The following BMPR1A variants were observed in gnomAD, a reference collection of about 807,000 sequenced individuals.
The protein encoded by BMPR1A is bone morphogenetic protein receptor type-1A.
A neutral mutation model predicts 66.0 loss-of-function variants in BMPR1A; 7 were observed. That is an observed-to-expected ratio of 0.11 (90% CI 0.06 to 0.20). The LOEUF is 0.20. BMPR1A is among the 10% of genes least tolerant of loss of function. The pLI is 1.00. For missense variants in BMPR1A, 408 were observed against 669.1 expected, an observed-to-expected ratio of 0.61 and a Z score of 4.31; for synonymous variants, 200 against 229.7, an observed-to-expected ratio of 0.87 and a Z score of 1.17.
intron 7 of BMPR1A, among the ~76,000 whole-genome samples, chr10:86,903,642 C>T (rs1028793980): frequency 4.0e-5 from 6 of 151,796 alleles, no homozygotes; most frequent in South Asian, 2.1e-4. Context: ...GACAGAGTCT[C>T]GCTCTGTCGC....
downstream of BMPR1A, chr10:86,929,023 A>G (rs1435152938): frequency 6.7e-6 from 1 of 149,166 alleles, no homozygotes; most frequent in African/African-American, 2.5e-5. Flanking sequence ...GCCATTGAGA[A>G]CTTTTTTTTT....
chr10:86,862,397 G>T (rs986035814), intron 2 of BMPR1A, among the ~76,000 whole-genome samples: 4 of 152,192 alleles, frequency 2.6e-5, no homozygotes, highest in Non-Finnish European at 5.9e-5. Context: ...CACCTATTAG[G>T]CTGGAACGGA....
chr10:86,826,059 G>A (rs1842188997), intron 1 of BMPR1A, among the ~76,000 whole-genome samples: 1 of 152,072 alleles, frequency 6.6e-6, no homozygotes, highest in Non-Finnish European at 1.5e-5. Context: ...ACTTGCTAAC[G>A]TTTGCCTCAT....
intron 1 of BMPR1A, among the ~76,000 whole-genome samples, chr10:86,775,607 A>G (rs1841334138): frequency 6.6e-6 from 1 of 152,196 alleles, no homozygotes; most frequent in South Asian, 2.1e-4. Context: ...AGTAATCTGC[A>G]GAAATACCAA....
chr10:86,852,285 T>TA (rs1286337296), intron 2 of BMPR1A, among the ~76,000 whole-genome samples: 1 of 152,158 alleles, frequency 6.6e-6, no homozygotes, highest in East Asian at 1.9e-4. Context: ...TTGGGAAATT[T>TA]AAAAACACAC....
intron 2 of BMPR1A, among the ~76,000 whole-genome samples, chr10:86,848,018 G>A (rs1053002882): frequency 6.6e-5 from 10 of 150,630 alleles, no homozygotes; most frequent in Admixed American, 5.3e-4. Context: ...TGCACCCTTC[G>A]CCCCCCGGGT....
At chr10:86,810,975 G>C (rs929283464) in intron 1 of BMPR1A, among the ~76,000 whole-genome samples, 3 of 152,154 alleles carry the variant, frequency 2.0e-5, no homozygotes, top group Non-Finnish European at 4.4e-5. Flanking sequence ...TTAAACTCCT[G>C]ATCTCAGGTG....
At chr10:86,917,740 T>C (rs916962611) in intron 9 of BMPR1A, among the ~76,000 whole-genome samples, 3 of 152,238 alleles carry the variant, frequency 2.0e-5, no homozygotes, top group African/African-American at 7.2e-5. Context: ...ATTTACACAA[T>C]AGCAAAGTAA....
chr10:86,827,559 C>A (rs1842212969), intron 1 of BMPR1A, among the ~76,000 whole-genome samples: 1 of 152,036 alleles, frequency 6.6e-6, no homozygotes, highest in African/African-American at 2.4e-5. Context: ...TATGCATAGA[C>A]CTGGATTGTT....
intron 1 of BMPR1A, among the ~76,000 whole-genome samples, chr10:86,807,825 G>A (rs1002508879): frequency 5.9e-5 from 9 of 152,146 alleles, no homozygotes; most frequent in African/African-American, 2.2e-4. Context: ...GGAGTGCAGT[G>A]GCACTGTCTT....
chr10:86,847,935 CT>C (rs757764095), intron 2 of BMPR1A, among the ~76,000 whole-genome samples: 1,707 of 142,520 alleles, frequency 0.012, 60 homozygotes, highest in Admixed American at 0.074. Flanking sequence ...GAAAATGATA[CT>C]TTTTTTTTTT....
rs921404914 is a variant in BMPR1A, at chr10:86,854,933, CT to C, written c.-153+15969del. On this transcript the variant is annotated intron_variant, in intron 2 of 12. Coordinates refer to ENST00000372037, the MANE Select transcript of BMPR1A (RefSeq NM_004329.3). ...CATTAAGTTCTTTTTTTTTCTTTTTCTTTTTTTTTTTTTTTCTTTTTGAGAC... is the reference window on the plus strand; with the variant it reads ...CATTAAGTTCTTTTTTTTTCTTTTTCTTTTTTTTTTTTTTCTTTTTGAGAC... 1,191 of 146,084 alleles carry C rather than the reference CT, an allele frequency of 8.2e-3. 3 individuals carry two copies. The highest frequency in any genetic ancestry group is 0.017 in the African/African-American group (638 of 38,168). 9.0% of individuals were successfully genotyped at this position (146,084 alleles called of 1,614,324 possible).
intron 3 of BMPR1A, among the ~76,000 whole-genome samples, chr10:86,876,564 A>C (rs568759056): frequency 1.3e-5 from 2 of 152,140 alleles, no homozygotes; most frequent in Non-Finnish European, 2.9e-5. Context: ...TGGGCGGATC[A>C]TGAGGTCAGG....
chr10:86,789,876 G>A (rs1245031646), intron 1 of BMPR1A, among the ~76,000 whole-genome samples: 4 of 151,382 alleles, frequency 2.6e-5, no homozygotes, highest in Non-Finnish European at 5.9e-5. Flanking sequence ...TAAATCAAAG[G>A]CTGGGCACGG....
At chr10:86,892,401 T>A (rs1388458270) in intron 5 of BMPR1A, among the ~76,000 whole-genome samples, 172 bp downstream of exon 5, 1 of 152,220 alleles carries the variant, frequency 6.6e-6, no homozygotes, top group Non-Finnish European at 1.5e-5. Context: ...ATGTAGAATT[T>A]ATAACTAAAT....
intron 1 of BMPR1A, among the ~76,000 whole-genome samples, chr10:86,797,313 C>G (rs1265128232): frequency 4.0e-5 from 6 of 150,298 alleles, no homozygotes; most frequent in South Asian, 2.1e-4. Flanking sequence ...TCACTGCAAC[C>G]TCCACCTCCT....
chr10:86,849,778 G>T (rs369615822), intron 2 of BMPR1A, among the ~76,000 whole-genome samples: 1 of 152,156 alleles, frequency 6.6e-6, no homozygotes, highest in East Asian at 1.9e-4. Flanking sequence ...ATAGACACCA[G>T]GGAATGTTGT....
At position 86,919,687 on chromosome 10, in the gene BMPR1A, TTTTG is replaced by T. The variant is rs139277752; in HGVS notation, c.1166+226_1166+229del. 0.032 allele frequency among the ~76,000 whole-genome samples: 4,775 copies of T among 151,342 alleles called. 150 individuals carry two copies. The highest frequency in any genetic ancestry group is 0.086 in the South Asian group (412 of 4,802). ...ATATATATATTTTTTTGGTGTTTTTTTTTGTTTGTTTTTTGTTTTTTGTTTTTTG... is the reference window on the plus strand; with the variant it reads ...ATATATATATTTTTTTGGTGTTTTTTTTTGTTTTTTGTTTTTTGTTTTTTG... On this transcript the variant is annotated intron_variant, in intron 10 of 12. Coordinates refer to ENST00000372037, the MANE Select transcript of BMPR1A (RefSeq NM_004329.3).
intron 2 of BMPR1A, among the ~76,000 whole-genome samples, chr10:86,875,351 C>T (rs572727833): frequency 0.036 from 4 of 112 alleles, no homozygotes; most frequent in Non-Finnish European, 0.094. Flanking sequence ...CCAGCCTGGG[C>T]GACCGAGCAA....
Sources: gnomAD v4.1 joint callset for allele counts (sites outside exome capture counted in the v4.1 genomes callset) on GRCh38, gnomAD v4.1.1 for gene constraint, MANE v1.5 for transcripts, NCBI Gene and HGNC (gene_info 2026-07-23, HGNC 2026-07-21) for gene names.